ROS1: variants seen among roughly 807,000 people sequenced by gnomAD.
ROS1 encodes proto-oncogene tyrosine-protein kinase ROS.
ROS1 carries 263 observed loss-of-function variants against 273.5 expected under a neutral mutation model. The ratio of observed to expected loss-of-function variants is 0.96; its 90% CI spans 0.87 to 1.06. The LOEUF (loss-of-function observed/expected upper bound fraction) is 1.06. Among genes scored for constraint, ROS1 ranks in the 50% least tolerant of loss-of-function variants. The pLI, the probability that ROS1 is intolerant of heterozygous loss-of-function variation, is 0.00. For missense variants in ROS1, 2,833 were observed against 2,751.1 expected, an observed-to-expected ratio of 1.03 and a Z score of -0.67; for synonymous variants, 1,008 against 954.1, an observed-to-expected ratio of 1.06 and a Z score of -1.04.
At chr6:117,359,592 G>A (rs1351996398) in intron 24 of ROS1, among the ~76,000 whole-genome samples, 1 of 152,152 alleles carries the variant, frequency 6.6e-6, no homozygotes, top group Non-Finnish European at 1.5e-5. Flanking sequence ...CTCTAACACA[G>A]CATCCTAAAC....
intron 18 of ROS1, among the ~76,000 whole-genome samples, chr6:117,370,841 AAAG>A (rs1780705116): frequency 1.3e-5 from 2 of 152,232 alleles, no homozygotes; most frequent in Admixed American, 6.5e-5. Context: ...CAAAAATGGC[AAAG>A]AAGTAGAAAC....
intron 12 of ROS1, among the ~76,000 whole-genome samples, chr6:117,392,834 G>A (rs374112807): frequency 3.3e-5 from 5 of 152,128 alleles, no homozygotes; most frequent in African/African-American, 1.2e-4. Context: ...ACAGTTGAAT[G>A]GCTCAGCAAA....
At chr6:117,376,081 G>GA (rs1157727699) in intron 18 of ROS1, among the ~76,000 whole-genome samples, 2 of 151,470 alleles carry the variant, frequency 1.3e-5, no homozygotes, top group Non-Finnish European at 2.9e-5. Flanking sequence ...TGGACAATCA[G>GA]AAAAAAATCA....
chr6:117,308,350 G>A (rs969036722), intron 42 of ROS1, among the ~76,000 whole-genome samples: 1 of 151,970 alleles, frequency 6.6e-6, no homozygotes, highest in Non-Finnish European at 1.5e-5. Flanking sequence ...GTCAATGTCA[G>A]CTATATCAAC....
At chr6:117,400,535 G>T (rs1033165109) in intron 7 of ROS1, among the ~76,000 whole-genome samples, 1 of 152,176 alleles carries the variant, frequency 6.6e-6, no homozygotes, top group Non-Finnish European at 1.5e-5. Context: ...GCAACATTCT[G>T]TATAAAGGGT....
At chr6:117,424,653 C>T (rs971518937) in intron 1 of ROS1, among the ~76,000 whole-genome samples, 1 of 151,956 alleles carries the variant, frequency 6.6e-6, no homozygotes, top group African/African-American at 2.4e-5. Context: ...TGCTACTAAC[C>T]ATGGTAAACC....
intron 18 of ROS1, among the ~76,000 whole-genome samples, chr6:117,377,821 C>T (rs1453312136): frequency 6.6e-6 from 1 of 150,874 alleles, no homozygotes; most frequent in Non-Finnish European, 1.5e-5. Flanking sequence ...TGCTTATATA[C>T]AGAACAACCC....
intron 4 of ROS1, among the ~76,000 whole-genome samples, chr6:117,414,247 T>TAG (rs1775162921): frequency 6.6e-6 from 1 of 152,022 alleles, no homozygotes; most frequent in South Asian, 2.1e-4. Flanking sequence ...CAAACCAGAT[T>TAG]AGAGTAATAT....
At chr6:117,414,905 G>A (rs1165132653) in intron 3 of ROS1, among the ~76,000 whole-genome samples, 4 of 152,244 alleles carry the variant, frequency 2.6e-5, no homozygotes, top group Non-Finnish European at 5.9e-5. Flanking sequence ...GCTCTTGCTA[G>A]CAAAGGACAG....
At chr6:117,383,630 G>GGTTGA in intron 16 of ROS1, 122 bp from the exon 17 acceptor site, 1 of 793,146 alleles carries the variant, frequency 1.3e-6, no homozygotes, top group Non-Finnish European at 2.1e-6. Context: ...CACAAATAGT[G>GGTTGA]ATTGGCACTA....
At position 117,358,495 on chromosome 6, in the gene ROS1, G is replaced by A. The variant is rs973965897; in HGVS notation, c.3634-486C>T. The stretch of plus-strand genomic sequence containing the variant: ...TTTTTTTTTGGAGATGGAGTCTGGC[G>A]GTAACCCAGGCTGGAGTGCAGTGGC... On this transcript the variant is annotated intron_variant, in intron 24 of 43. Coordinates refer to ENST00000368507, the MANE Select transcript of ROS1 (RefSeq NM_001378902.1). 1.3e-4 allele frequency among the ~76,000 whole-genome samples: 19 copies of A among 151,568 alleles called. No individual in the cohort carries two copies. In the South Asian group the frequency reaches 1.7e-3, roughly 13 times the overall value.
intron 7 of ROS1, 77 bp from the exon 8 acceptor site, chr6:117,397,193 C>CT: frequency 1.0e-5 from 10 of 960,428 alleles, no homozygotes; most frequent in East Asian, 2.6e-5. Context: ...GGAAAAAAGT[C>CT]TTGTTTTTTT....
chr6:117,414,480 T>C lies in ROS1; in HGVS notation c.255+39A>G, dbSNP rs761897014. On this transcript the variant is annotated intron_variant, in intron 4 of 43. Coordinates refer to ENST00000368507, the MANE Select transcript of ROS1 (RefSeq NM_001378902.1). ...TTTTTAGAGACCAGAGATGAAGACA[T>C]GTGGCTTGATTACATCTTTTTTGTG... 3 of 741,714 alleles carry C rather than the reference T, an allele frequency of 4.0e-6. No homozygotes were observed. The African/African-American group carries it at 5.3e-5, about 13-fold the overall frequency. The allele number at this position is 741,714 out of a possible 1,614,324, so 45.9% of individuals were successfully genotyped here.
chr6:117,344,092 T>C lies in ROS1; in HGVS notation c.4474A>G (p.Lys1492Glu). 6.2e-7 allele frequency: 1 copy of C among 1,613,994 alleles called. No individual in the cohort carries two copies. The highest frequency in any genetic ancestry group is 1.1e-5 in the South Asian group (1 of 91,084). Residue 1492 changes from lysine (K) to glutamate (E), a missense_variant, in exon 28 of 44, where the codon AAA becomes GAA. Lys to Glu is a moderately conservative substitution (Grantham distance 56). Coordinates refer to ENST00000368507, the MANE Select transcript of ROS1 (RefSeq NM_001378902.1). ...CTATATTTCAAGTCAGAGCTGTTTT[T>C]CCTGTCATTAACTTCTGCATAATAA... ...LVYYAEVNDRKNSSDLKYRIL... is the reference protein window; with the variant it reads ...LVYYAEVNDRENSSDLKYRIL...
At chr6:117,320,431 C>T (rs933345410) in intron 36 of ROS1, among the ~76,000 whole-genome samples, 6 of 152,062 alleles carry the variant, frequency 3.9e-5, no homozygotes, top group Admixed American at 3.9e-4. Context: ...TTAGCTATTT[C>T]ACACATGTGA....
intron 41 of ROS1, among the ~76,000 whole-genome samples, 176 bp from the exon 42 acceptor site, chr6:117,309,104 A>T (rs1256249780): frequency 2.6e-5 from 4 of 152,214 alleles, no homozygotes; most frequent in African/African-American, 9.6e-5. Context: ...AAGTAGAACA[A>T]GACACTGCGT....
chr6:117,325,041 A>C (rs1242768345), intron 34 of ROS1, among the ~76,000 whole-genome samples: 1 of 152,194 alleles, frequency 6.6e-6, no homozygotes, highest in Admixed American at 6.6e-5. Flanking sequence ...CAGAGATCAC[A>C]TGTAGCCTGC....
At position 117,410,458 on chromosome 6, in the gene ROS1, A is replaced by G. The variant is rs1328269608; in HGVS notation, c.256-816T>C. On this transcript the variant is annotated intron_variant, in intron 4 of 43. Transcript: ENST00000368507. ...CTTTATACCAATGCTGAGTTTTAAAATCTATGAAAACTTAATGATATTTAC... is the reference window on the plus strand; with the variant it reads ...CTTTATACCAATGCTGAGTTTTAAAGTCTATGAAAACTTAATGATATTTAC... Among the ~76,000 whole-genome samples, 3 of 152,194 alleles carry G rather than the reference A, an allele frequency of 2.0e-5. No individual in the cohort carries two copies. In the East Asian group the frequency reaches 5.8e-4, roughly 29 times the overall value.
At chr6:117,362,522 C>T (rs1028676463) in intron 22 of ROS1, 81 bp downstream of exon 22, 36 of 1,354,444 alleles carry the variant, frequency 2.7e-5, no homozygotes, top group Non-Finnish European at 3.6e-5. Context: ...TACACTGTAA[C>T]ATATCCCAGA....
Sources: gnomAD v4.1 joint callset for allele counts (sites outside exome capture counted in the v4.1 genomes callset) on GRCh38, gnomAD v4.1.1 for gene constraint, MANE v1.5 for transcripts, NCBI Gene and HGNC (gene_info 2026-07-23, HGNC 2026-07-21) for gene names.